Variants in DCDC1 observed in about 807,000 individuals in gnomAD.
DCDC1 encodes the protein doublecortin domain containing 1, also known as doublecortin domain-containing protein 1.
A neutral mutation model predicts 178.3 loss-of-function variants in DCDC1; 200 were observed. That is an observed-to-expected ratio of 1.12 (90% CI 1.00 to 1.26). DCDC1 has a LOEUF of 1.26. Ranked by LOEUF, DCDC1 falls within the 50% of genes most tolerant of loss-of-function variation. The probability of loss-of-function intolerance (pLI) is 0.00; values close to 1 mark genes in which losing one functional copy is unlikely to be tolerated. For missense variants in DCDC1, 1,983 were observed against 1,749.2 expected, an observed-to-expected ratio of 1.13 and a Z score of -2.38; for synonymous variants, 690 against 604.8, an observed-to-expected ratio of 1.14 and a Z score of -2.07.
intron 20 of DCDC1, among the ~76,000 whole-genome samples, chr11:31,057,765 T>C (rs901446904): frequency 2.6e-5 from 4 of 152,182 alleles, no homozygotes; most frequent in African/African-American, 7.2e-5. Context: ...TGACAGTTAA[T>C]GCTTAATTTC....
At chr11:30,878,349 A>C (rs1350188119) in intron 38 of DCDC1, among the ~76,000 whole-genome samples, 195 bp downstream of exon 38, 1 of 152,030 alleles carries the variant, frequency 6.6e-6, no homozygotes, top group Non-Finnish European at 1.5e-5. Flanking sequence ...TTTACTTGGG[A>C]GGCTGAGATG....
intron 5 of DCDC1, 42 bp downstream of exon 5, chr11:31,306,190 G>T: frequency 7.0e-7 from 1 of 1,424,566 alleles, no homozygotes. Flanking sequence ...AGAGAGTAAG[G>T]GAAAAAAAAT....
At chr11:31,250,422 A>ACAC in intron 8 of DCDC1, among the ~76,000 whole-genome samples, 1 of 118,420 alleles carries the variant, frequency 8.4e-6, no homozygotes, top group South Asian at 2.9e-4. Flanking sequence ...ACACATATAC[A>ACAC]TATATATGTA....
intron 33 of DCDC1, 34 bp from the exon 34 acceptor site, chr11:30,899,676 C>G: frequency 7.1e-7 from 1 of 1,417,294 alleles, no homozygotes; most frequent in Non-Finnish European, 9.4e-7. Context: ...ATTTTATCAA[C>G]AGTAATTTAT....
chr11:31,096,958 C>A (rs149143871), intron 15 of DCDC1, among the ~76,000 whole-genome samples: 1 of 152,094 alleles, frequency 6.6e-6, no homozygotes, highest in Admixed American at 6.5e-5. Context: ...CACATGCATG[C>A]GCATATGTGT....
At chr11:31,148,214 A>T (rs997136035) in intron 9 of DCDC1, among the ~76,000 whole-genome samples, 1 of 146,690 alleles carries the variant, frequency 6.8e-6, no homozygotes, top group Non-Finnish European at 1.5e-5. Context: ...TTATTATAAA[A>T]AAAAAAAAAA....
intron 9 of DCDC1, among the ~76,000 whole-genome samples, chr11:31,151,767 A>G (rs1157916837): frequency 6.6e-6 from 1 of 152,200 alleles, no homozygotes; most frequent in East Asian, 1.9e-4. Context: ...TTGCATAGCA[A>G]TGCATTCAAA....
At chr11:31,096,088 A>G (rs1430509233) in intron 15 of DCDC1, among the ~76,000 whole-genome samples, 4 of 152,228 alleles carry the variant, frequency 2.6e-5, no homozygotes, top group Non-Finnish European at 4.4e-5. Flanking sequence ...ATCAGGTACT[A>G]TCATAAGGAT....
chr11:30,949,764 C>G (rs962192342), intron 21 of DCDC1, among the ~76,000 whole-genome samples: 5 of 145,776 alleles, frequency 3.4e-5, no homozygotes, highest in Non-Finnish European at 5.9e-5. Context: ...AACAGAAAAC[C>G]AAACACCGTA....
chr11:31,036,098 C>T (rs1306792415), intron 20 of DCDC1, among the ~76,000 whole-genome samples: 2 of 152,136 alleles, frequency 1.3e-5, no homozygotes, highest in Non-Finnish European at 2.9e-5. Context: ...TTTAAGTAAT[C>T]GCTGTGAAGT....
At chr11:31,107,007 C>T in intron 12 of DCDC1, 47 bp from the exon 13 acceptor site, 1 of 709,516 alleles carries the variant, frequency 1.4e-6, no homozygotes, top group South Asian at 1.5e-5. Context: ...GAATAAATAA[C>T]CTAAAATGGG....
intron 9 of DCDC1, among the ~76,000 whole-genome samples, chr11:31,145,697 A>G (rs1206475254): frequency 6.6e-6 from 1 of 152,246 alleles, no homozygotes; most frequent in Admixed American, 6.5e-5. Context: ...CAGAAAGAAT[A>G]CAGAGACAGC....
chr11:30,881,240 T>A lies in DCDC1; in HGVS notation c.5151A>T (p.Gly1717=), dbSNP rs767300217. The A allele has an allele frequency of 2.5e-5, 41 of 1,613,448 alleles. No homozygotes were observed. The highest frequency in any genetic ancestry group is 1.7e-5 in the Admixed American group (1 of 59,932). The stretch of plus-strand genomic sequence containing the variant: ...TGTCGTCCCAGGACTGAATTGGCTC[T>A]CCACTGGGGGTGTACAGTGCTCTAG... ...HPARALYTPS[G]EPIQSWDDIE... Residue 1717 remains glycine (G), a synonymous_variant, in exon 37 of 39, where the codon GGA becomes GGT. Coordinates refer to ENST00000684477, the MANE Select transcript of DCDC1 (RefSeq NM_001387274.1).
At position 30,952,445 on chromosome 11, in the gene DCDC1, C is replaced by T; in HGVS notation, c.2715G>A (p.Glu905=). 2 of 1,562,134 alleles carry T rather than the reference C, an allele frequency of 1.3e-6. No individual in the cohort carries two copies. The highest frequency in any genetic ancestry group is 3.4e-4 in the Middle Eastern group (2 of 5,900). ...CATCTCTTAAGCTAAGCAACACAAC[C>T]TCATTAAGTTGGCCACTGGGAAGGA... ...WPVLPSGQLN[E]EFDWPIQGLL... is the part of the protein sequence containing the mutation. Residue 905 remains glutamate (E), a splice_region_variant and synonymous_variant, in exon 21 of 39, where the codon GAG becomes GAA. Transcript: ENST00000684477.
chr11:31,213,050 C>T, intron 9 of DCDC1, among the ~76,000 whole-genome samples: 1 of 148,812 alleles, frequency 6.7e-6, no homozygotes, highest in Non-Finnish European at 1.5e-5. Flanking sequence ...ATGATCCAGA[C>T]ATAGACATGT....
Position 31,305,606 on chromosome 11 carries a change from C to A in DCDC1, c.754+9G>T, listed in dbSNP as rs199811580. 6.6e-4 allele frequency: 1,058 copies of A among 1,612,346 alleles called. 1 individual carries two copies. The highest frequency in any genetic ancestry group is 8.2e-4 in the Non-Finnish European group (967 of 1,179,076). On this transcript the variant is annotated intron_variant, in intron 6 of 38. Transcript: ENST00000684477. ...TGTGGGGGTAGGGTATTTTTTAGAT[C>A]TTTTTTACCTTTAATTTTTTTGAAT... is the stretch of plus-strand genomic sequence containing the variant.
chr11:31,302,522 A>T (rs1948180788), intron 6 of DCDC1, among the ~76,000 whole-genome samples: 1 of 152,186 alleles, frequency 6.6e-6, no homozygotes, highest in East Asian at 1.9e-4. Flanking sequence ...AACAGTATTT[A>T]TATAAAATAT....
chr11:30,964,718 C>T (rs919051231), intron 20 of DCDC1, among the ~76,000 whole-genome samples: 2 of 152,080 alleles, frequency 1.3e-5, no homozygotes, highest in Non-Finnish European at 2.9e-5. Flanking sequence ...TATATTTGAA[C>T]TTTTTCTGCT....
At chr11:31,120,700 T>A (rs1002888376) in intron 11 of DCDC1, among the ~76,000 whole-genome samples, 3 of 152,114 alleles carry the variant, frequency 2.0e-5, no homozygotes, top group African/African-American at 7.2e-5. Flanking sequence ...TGAAAGGATA[T>A]GCCTGTACTC....
Sources: allele counts gnomAD v4.1 joint callset (sites outside exome capture counted in the v4.1 genomes callset), GRCh38; gene constraint gnomAD v4.1.1; transcripts MANE v1.5; gene names NCBI Gene and HGNC (gene_info 2026-07-23, HGNC 2026-07-21).